Variants in SEMA3A observed in about 807,000 individuals in gnomAD.
The protein encoded by SEMA3A is semaphorin 3A, also known as semaphorin-3A.
Under a neutral mutation model 97.9 loss-of-function variants are expected in SEMA3A, and 29 were observed. The ratio of observed to expected loss-of-function variants is 0.30; its 90% confidence interval spans 0.22 to 0.40. The LOEUF (loss-of-function observed/expected upper bound fraction) is 0.40. Ranked by LOEUF, SEMA3A falls within the 10% of genes least tolerant of loss-of-function variation. SEMA3A has a pLI of 1.00. For synonymous variants in SEMA3A, 321 were observed against 323.7 expected, an observed-to-expected ratio of 0.99 and a Z score of 0.09; for missense variants, 763 against 951.3, an observed-to-expected ratio of 0.80 and a Z score of 2.60.
intron 4 of SEMA3A, among the ~76,000 whole-genome samples, chr7:84,061,860 C>T (rs149856707): frequency 6.6e-6 from 1 of 152,064 alleles, no homozygotes; most frequent in East Asian, 1.9e-4. Flanking sequence ...TGTCCTGTAC[C>T]AATGATATTT....
chr7:84,058,072 T>C (rs1043323597), intron 5 of SEMA3A, among the ~76,000 whole-genome samples: 3 of 151,952 alleles, frequency 2.0e-5, no homozygotes, highest in Non-Finnish European at 1.5e-5. Flanking sequence ...TTGAAACTAC[T>C]TCTTTCCTAG....
At chr7:84,015,562 A>G (rs1791064143) in intron 6 of SEMA3A, among the ~76,000 whole-genome samples, 1 of 152,218 alleles carries the variant, frequency 6.6e-6, no homozygotes, top group Non-Finnish European at 1.5e-5. Context: ...AGACATTTAT[A>G]TTCTTACAAT....
chr7:84,424,647 AT>A (rs1224650862), intron 1 of SEMA3A, among the ~76,000 whole-genome samples: 16 of 95,164 alleles, frequency 1.7e-4, no homozygotes, highest in South Asian at 3.5e-4. Flanking sequence ...TATATATTAT[AT>A]TTATATATTA....
In SEMA3A at chr7:83,996,805, T is replaced by C. The variant is rs114076626; in HGVS notation, c.1452+5150A>G. On this transcript the variant is annotated intron_variant, in intron 12 of 16. Transcript: ENST00000265362. ...GTTTCTTAGTACTTTAATGTCAAAT[T>C]TGGGGTATTTTATAGCAAATCAAAG... Among the ~76,000 whole-genome samples the C allele has an allele frequency of 3.1e-3, 476 of 152,220 alleles. 2 individuals are homozygous for C. The highest frequency in any genetic ancestry group is 0.01 in the African/African-American group (431 of 41,530).
chr7:84,212,447 A>G (rs1022154595), intron 3 of SEMA3A, among the ~76,000 whole-genome samples: 5 of 152,216 alleles, frequency 3.3e-5, no homozygotes, highest in Admixed American at 6.5e-5. Flanking sequence ...TCTAACAGAA[A>G]TTGATTCACT....
chr7:84,401,805 T>C (rs1408577747), intron 1 of SEMA3A, among the ~76,000 whole-genome samples: 2 of 152,132 alleles, frequency 1.3e-5, no homozygotes, highest in Admixed American at 6.6e-5. Flanking sequence ...TGGATATCCA[T>C]ATGCAGACAA....
intron 3 of SEMA3A, among the ~76,000 whole-genome samples, chr7:84,232,983 A>C (rs1333996920): frequency 6.6e-6 from 1 of 151,950 alleles, no homozygotes; most frequent in African/African-American, 2.4e-5. Flanking sequence ...GGATTAATTT[A>C]ATAAAGAACA....
intron 1 of SEMA3A, among the ~76,000 whole-genome samples, chr7:84,388,100 T>C (rs990585166): frequency 2.0e-5 from 3 of 152,140 alleles, no homozygotes; most frequent in Non-Finnish European, 4.4e-5. Context: ...TCTAAACCTA[T>C]ATAAATACAC....
Position 83,957,381 on chromosome 7 carries a change from G to A in SEMA3A, c.*3990C>T, listed in dbSNP as rs1045027550. 3 of 152,124 alleles carry A rather than the reference G, an allele frequency of 2.0e-5. No individual in the cohort carries two copies. Among genetic ancestry groups the A allele is most frequent in the Non-Finnish European group, 4.4e-5 (3 of 68,002 alleles). 9.4% of individuals were successfully genotyped at this position (152,124 alleles called of 1,614,324 possible). On this transcript the variant is annotated 3_prime_UTR_variant, in exon 17 of 17. Transcript: ENST00000265362. ...CATTGTAGATAGTCAAGATCTATCA[G>A]TGGAATTTACTTGAACGTGTAGGAA...
chr7:84,173,973 G>A (rs568942479), intron 1 of SEMA3A, among the ~76,000 whole-genome samples: 15 of 152,264 alleles, frequency 9.9e-5, no homozygotes, highest in South Asian at 2.1e-4. Context: ...GAGCTGAGCC[G>A]GTGATGCTAG....
chr7:84,171,058 G>A (rs192248640), intron 1 of SEMA3A, among the ~76,000 whole-genome samples: 1 of 152,034 alleles, frequency 6.6e-6, no homozygotes, highest in East Asian at 1.9e-4. Flanking sequence ...AAGAACAGAT[G>A]GTGAAAGAAA....
chr7:84,267,405 C>A (rs1352189637), intron 3 of SEMA3A, among the ~76,000 whole-genome samples: 1 of 151,990 alleles, frequency 6.6e-6, no homozygotes, highest in Non-Finnish European at 1.5e-5. Context: ...GTTAAAAATT[C>A]CCAGAACGTA....
intron 1 of SEMA3A, among the ~76,000 whole-genome samples, chr7:84,403,560 C>G (rs1362165043): frequency 6.6e-6 from 1 of 152,216 alleles, no homozygotes; most frequent in Non-Finnish European, 1.5e-5. Context: ...GTTCTCCCAG[C>G]ACGCAGCTTG....
intron 12 of SEMA3A, among the ~76,000 whole-genome samples, chr7:83,987,134 A>G (rs1789668455): frequency 6.7e-6 from 1 of 150,372 alleles, no homozygotes; most frequent in Non-Finnish European, 1.5e-5. Context: ...TAAATTTTAT[A>G]TAGATACATA....
intron 4 of SEMA3A, 39 bp from the exon 5 acceptor site, chr7:84,060,597 A>G: frequency 7.5e-7 from 1 of 1,331,298 alleles, no homozygotes; most frequent in Non-Finnish European, 1.0e-6. Flanking sequence ...GGTTTCCTTT[A>G]TATATAAAAA....
At chr7:84,398,945 A>G (rs1283032163) in intron 1 of SEMA3A, among the ~76,000 whole-genome samples, 1 of 152,222 alleles carries the variant, frequency 6.6e-6, no homozygotes, top group Non-Finnish European at 1.5e-5. Context: ...AGTGCATGCA[A>G]AAAGAAAGCA....
chr7:84,338,057 C>A (rs969670023), intron 2 of SEMA3A, among the ~76,000 whole-genome samples: 53 of 151,984 alleles, frequency 3.5e-4, no homozygotes, highest in African/African-American at 1.2e-3. Context: ...ATGTTCTACA[C>A]ACTTATACAT....
chr7:84,468,997 G>A (rs1384388776), intron 1 of SEMA3A, among the ~76,000 whole-genome samples: 5 of 151,862 alleles, frequency 3.3e-5, no homozygotes, highest in Admixed American at 1.3e-4. Context: ...TAAATAAAAT[G>A]GTGAAAATGT....
intron 2 of SEMA3A, chr7:84,371,817 C>G (rs1356187031): frequency 2.0e-5 from 3 of 151,984 alleles, no homozygotes; most frequent in Non-Finnish European, 4.4e-5. Flanking sequence ...GGTTTCCTCA[C>G]ACTTACCTGC....
Sources: gnomAD v4.1 joint callset for allele counts (sites outside exome capture counted in the v4.1 genomes callset) on GRCh38, gnomAD v4.1.1 for gene constraint, MANE v1.5 for transcripts, NCBI Gene and HGNC (gene_info 2026-07-23, HGNC 2026-07-21) for gene names.